Variants in MVB12B observed in about 807,000 individuals in gnomAD.
MVB12B encodes ESCRT-I complex subunit MVB12B.
MVB12B carries 16 observed loss-of-function variants against 41.6 expected under a neutral mutation model. The observed-to-expected ratio is 0.38, with a 90% CI of 0.26 to 0.58. MVB12B has a LOEUF of 0.58. Among genes scored for constraint, MVB12B ranks in the 20% least tolerant of loss-of-function variants. The pLI is 0.62. For synonymous variants in MVB12B, 133 were observed against 139.7 expected, an observed-to-expected ratio of 0.95 and a Z score of 0.34; for missense variants, 274 against 380.2, an observed-to-expected ratio of 0.72 and a Z score of 2.32.
At position 126,342,853 on chromosome 9, in the gene MVB12B, A is replaced by C. The variant is rs142948227; in HGVS notation, c.204+2223A>C. On this transcript the variant is annotated intron_variant, in intron 2 of 9. Transcript: ENST00000361171. ...AAGTGCAAGGCGCTCTGTGGTGGCT[A>C]GGCTGCAGAGATGCTTAGACAGAAC... Among the ~76,000 whole-genome samples, 8 of 152,370 alleles carry C rather than the reference A, an allele frequency of 5.3e-5. 1 individual carries two copies. Among genetic ancestry groups the C allele is most frequent in the African/African-American group, 1.9e-4 (8 of 41,596 alleles).
At chr9:126,455,612 G>A (rs1449503408) in intron 7 of MVB12B, among the ~76,000 whole-genome samples, 1 of 152,160 alleles carries the variant, frequency 6.6e-6, no homozygotes, top group Non-Finnish European at 1.5e-5. Context: ...AGCCTCCTGA[G>A]AAACTGGAAC....
At chr9:126,443,299 C>T (rs781137282) in intron 7 of MVB12B, among the ~76,000 whole-genome samples, 1 of 152,108 alleles carries the variant, frequency 6.6e-6, no homozygotes, top group Non-Finnish European at 1.5e-5. Flanking sequence ...TCCCTCTATC[C>T]TTCCACCAAT....
At chr9:126,501,927 T>G (rs1451543475) in intron 9 of MVB12B, among the ~76,000 whole-genome samples, 2 of 152,002 alleles carry the variant, frequency 1.3e-5, no homozygotes, top group Non-Finnish European at 2.9e-5. Context: ...GTGCTCCGCC[T>G]CCTGCTGGGG....
chr9:126,492,138 G>T (rs1012225866), intron 9 of MVB12B, among the ~76,000 whole-genome samples: 1 of 136,746 alleles, frequency 7.3e-6, no homozygotes, highest in East Asian at 2.0e-4. Context: ...ACACACACAC[G>T]CTCAGCAGGC....
intron 9 of MVB12B, among the ~76,000 whole-genome samples, chr9:126,494,441 C>T (rs1329485304): frequency 1.3e-5 from 2 of 152,208 alleles, no homozygotes; most frequent in Non-Finnish European, 2.9e-5. Flanking sequence ...GCAGAGATTA[C>T]GTTTGCCAGG....
Position 126,503,252 on chromosome 9 carries a change from C to G in MVB12B, c.949C>G (p.Pro317Ala), listed in dbSNP as rs1833999466. The change falls in exon 10 of 10, where the codon CCG (proline) becomes GCG (alanine). Residue 317 changes from proline (P) to alanine (A), a missense_variant. Physicochemically the swap from Pro to Ala is conservative, Grantham distance 27. Transcript: ENST00000361171. Reference protein sequence around the residue: ...PPSPTRCQQIPQS With the variant: ...PPSPTRCQQIAQS Reference sequence around the variant, plus strand: ...CAGCCCCACCAGGTGTCAGCAGATCCCGCAGTCCTGAGGAGCCAGCGGCCA... The same window carrying G: ...CAGCCCCACCAGGTGTCAGCAGATCGCGCAGTCCTGAGGAGCCAGCGGCCA... The G allele has an allele frequency of 6.5e-7, 1 of 1,550,168 alleles. No homozygotes were observed. Among genetic ancestry groups the G allele is most frequent in the Non-Finnish European group, 8.7e-7 (1 of 1,146,842 alleles).
chr9:126,451,110 AGAG>A (rs1245665619), intron 7 of MVB12B, among the ~76,000 whole-genome samples: 1 of 152,224 alleles, frequency 6.6e-6, no homozygotes, highest in Non-Finnish European at 1.5e-5. Flanking sequence ...AGCAGGGGTC[AGAG>A]GAGGAGGAAG....
chr9:126,495,372 GTT>G (rs1833809356), intron 9 of MVB12B, among the ~76,000 whole-genome samples: 1 of 152,228 alleles, frequency 6.6e-6, no homozygotes, highest in Non-Finnish European at 1.5e-5. Context: ...GCAAGTCATG[GTT>G]TTGTCTTTGT....
chr9:126,465,205 A>G (rs1465402433), intron 7 of MVB12B, among the ~76,000 whole-genome samples: 1 of 152,214 alleles, frequency 6.6e-6, no homozygotes, highest in Non-Finnish European at 1.5e-5. Context: ...CTCAAAAATT[A>G]CCAATACATA....
At chr9:126,336,738 A>G (rs1829291190) in intron 1 of MVB12B, among the ~76,000 whole-genome samples, 2 of 125,898 alleles carry the variant, frequency 1.6e-5, no homozygotes, top group African/African-American at 6.2e-5. Context: ...GCGCACATAC[A>G]TGTTTGTGTG....
chr9:126,461,102 A>G (rs1265536501), intron 7 of MVB12B, among the ~76,000 whole-genome samples: 1 of 152,208 alleles, frequency 6.6e-6, no homozygotes, highest in Non-Finnish European at 1.5e-5. Context: ...CACAGGGATC[A>G]GGAAAACAGA....
In MVB12B at chr9:126,436,805, C is replaced by T. The variant is rs1832490938; in HGVS notation, c.757+14857C>T. 6.6e-6 allele frequency among the ~76,000 whole-genome samples: 1 copy of T among 152,220 alleles called. No homozygotes were observed. The highest frequency in any genetic ancestry group is 1.5e-5 in the Non-Finnish European group (1 of 68,044). ...TGAACTAGTAAGGGAATGGCCCTTC[C>T]TGGGTCAATTTTTTAAAAGCGAATT... is the stretch of plus-strand genomic sequence containing the variant. On this transcript the variant is annotated intron_variant, in intron 7 of 9. Transcript: ENST00000361171. This position sits in a 1 kb window ranked among gnomAD's most constrained non-coding sequence, Gnocchi z 4.1.
chr9:126,382,455 C>T (rs575265096), intron 3 of MVB12B, among the ~76,000 whole-genome samples: 1 of 152,316 alleles, frequency 6.6e-6, no homozygotes, highest in African/African-American at 2.4e-5. Context: ...GAAATCTTGA[C>T]ACAAAAGTCT....
chr9:126,451,886 A>G (rs1832895245), intron 7 of MVB12B, among the ~76,000 whole-genome samples: 1 of 152,142 alleles, frequency 6.6e-6, no homozygotes, highest in Non-Finnish European at 1.5e-5. Context: ...GACTGATCCC[A>G]AGCTGTTTGC....
At chr9:126,358,497 T>G (rs575881598) in intron 2 of MVB12B, among the ~76,000 whole-genome samples, 19 of 152,342 alleles carry the variant, frequency 1.2e-4, no homozygotes, top group Admixed American at 9.8e-4. Flanking sequence ...TCAGCAGTCT[T>G]TTAGTTTTAG....
At chr9:126,463,207 G>A (rs967879824) in intron 7 of MVB12B, among the ~76,000 whole-genome samples, 20 of 152,124 alleles carry the variant, frequency 1.3e-4, no homozygotes, top group Non-Finnish European at 2.9e-5. Context: ...CCTCTGCGTA[G>A]GTTGGTGTGT....
At chr9:126,470,530 G>T (rs559283060) in intron 7 of MVB12B, among the ~76,000 whole-genome samples, 2 of 152,120 alleles carry the variant, frequency 1.3e-5, no homozygotes, top group African/African-American at 2.4e-5. Flanking sequence ...AGGAGGAGGT[G>T]GGGGGGCTGG....
At chr9:126,472,804 T>C (rs1400461818) in intron 7 of MVB12B, among the ~76,000 whole-genome samples, 3 of 152,180 alleles carry the variant, frequency 2.0e-5, no homozygotes, top group African/African-American at 7.2e-5. Flanking sequence ...AAAGGGCATA[T>C]ACTTAATTAC....
In MVB12B at chr9:126,434,320, T is replaced by C. The variant is rs189267896; in HGVS notation, c.757+12372T>C. ...TTATCACCTATCCCAGAGAATAAGG[T>C]TCTTGATTCCCCAGATTTGTCTTAC... On this transcript the variant is annotated intron_variant, in intron 7 of 9. Coordinates refer to ENST00000361171, the MANE Select transcript of MVB12B (RefSeq NM_033446.3). Among the ~76,000 whole-genome samples the C allele has an allele frequency of 2.0e-5, 3 of 152,310 alleles. No homozygotes were observed. In the East Asian group the frequency reaches 5.8e-4, roughly 29 times the overall value.
Sources: allele counts gnomAD v4.1 joint callset (sites outside exome capture counted in the v4.1 genomes callset), GRCh38; gene constraint gnomAD v4.1.1; non-coding constraint Gnocchi (gnomAD v3.1); transcripts MANE v1.5; gene names NCBI Gene and HGNC (gene_info 2026-07-23, HGNC 2026-07-21).